FSD1: variants seen among roughly 807,000 people sequenced by gnomAD.
FSD1 encodes the protein fibronectin type III and SPRY domain containing 1, also known as fibronectin type III and SPRY domain-containing protein 1.
Under a neutral mutation model 58.2 loss-of-function variants are expected in FSD1, and 23 were observed. The ratio of observed to expected loss-of-function variants is 0.40; its 90% confidence interval spans 0.28 to 0.56. FSD1 has a LOEUF of 0.56. Ranked by LOEUF, FSD1 falls within the 20% of genes least tolerant of loss-of-function variation. FSD1 has a pLI of 0.54. For missense variants in FSD1, 563 were observed against 670.8 expected (o/e 0.84, Z 1.78); for synonymous variants, 265 against 263.4 (o/e 1.01, Z -0.06).
Position 4,321,811 on chromosome 19 carries a change from G to C in FSD1, c.1040-1175G>C, listed in dbSNP as rs915610766. On this transcript the variant is annotated intron_variant, in intron 10 of 12. Transcript: ENST00000221856. ...GAGGAGTATCTGGGAGGAATAACTT[G>C]GATCCCGAGGAGTATCTGGGGGAAA... 2.0e-5 allele frequency among the ~76,000 whole-genome samples: 3 copies of C among 151,424 alleles called. No homozygotes were observed. The East Asian group carries it at 5.9e-4, about 30-fold the overall frequency.
chr19:4,314,171 A>G (rs562672986), intron 7 of FSD1, among the ~76,000 whole-genome samples: 1 of 152,340 alleles, frequency 6.6e-6, no homozygotes, highest in Non-Finnish European at 1.5e-5. Flanking sequence ...TAATTAGCAT[A>G]CATGGTTAAT....
chr19:4,305,738 C>T (rs529407511), intron 1 of FSD1, among the ~76,000 whole-genome samples: 3 of 152,282 alleles, frequency 2.0e-5, no homozygotes, highest in East Asian at 3.9e-4. Context: ...TGGAGGGGAG[C>T]GCGGGTCAGG....
At chr19:4,314,431 A>G (rs1261455742) in intron 7 of FSD1, among the ~76,000 whole-genome samples, 1 of 151,930 alleles carries the variant, frequency 6.6e-6, no homozygotes, top group African/African-American at 2.4e-5. Flanking sequence ...GTGAGGACCC[A>G]TGTAGTCAGC....
At chr19:4,312,138 G>C in intron 7 of FSD1, 87 bp downstream of exon 7, 1 of 1,206,706 alleles carries the variant, frequency 8.3e-7, no homozygotes, top group Non-Finnish European at 1.2e-6. Flanking sequence ...TGGGGGCCTT[G>C]GGGACGATCC....
At chr19:4,315,053 A>G (rs146038127) in intron 7 of FSD1, among the ~76,000 whole-genome samples, 6 of 152,288 alleles carry the variant, frequency 3.9e-5, no homozygotes, top group Non-Finnish European at 8.8e-5. Context: ...GTCGTTTGCA[A>G]TCCACCTACT....
At chr19:4,322,650 G>A (rs1971710839) in intron 10 of FSD1, among the ~76,000 whole-genome samples, 1 of 150,834 alleles carries the variant, frequency 6.6e-6, no homozygotes, top group African/African-American at 2.4e-5. Flanking sequence ...AGGAGTATCT[G>A]GAGGGAATAG....
intron 7 of FSD1, among the ~76,000 whole-genome samples, chr19:4,312,305 A>G (rs553145169): frequency 7.3e-5 from 11 of 151,716 alleles, no homozygotes; most frequent in African/African-American, 2.7e-4. Context: ...CGTGGCCAAC[A>G]TGGTGAAACC....
chr19:4,307,127 T>G (rs1238511338), intron 3 of FSD1, among the ~76,000 whole-genome samples: 2 of 152,136 alleles, frequency 1.3e-5, no homozygotes, highest in Admixed American at 6.6e-5. Flanking sequence ...CAATCATGCC[T>G]CACTGCAGCG....
At chr19:4,321,099 GGGAAATAGCT>G (rs1971811143) in intron 10 of FSD1, among the ~76,000 whole-genome samples, 6 of 149,832 alleles carry the variant, frequency 4.0e-5, no homozygotes, top group African/African-American at 7.4e-5. Context: ...GGAGTATCTG[GGGAAATAGCT>G]GGGACTGAGG....
intron 8 of FSD1, 106 bp from the exon 9 acceptor site, chr19:4,318,240 T>G: frequency 8.9e-6 from 13 of 1,454,996 alleles, no homozygotes; most frequent in Non-Finnish European, 1.2e-5. Context: ...TCTTTGATTC[T>G]CTGTCCCTGT....
In FSD1 at chr19:4,304,697, C is replaced by T; in HGVS notation, c.-50C>T. ...CCGCGGCAAAGGCAGCTTGGGGACCCAGCGTGCGCGGGGCCCGCGGGCCGG... is the reference window on the plus strand; with the variant it reads ...CCGCGGCAAAGGCAGCTTGGGGACCTAGCGTGCGCGGGGCCCGCGGGCCGG... On this transcript the variant is annotated 5_prime_UTR_variant, in exon 1 of 13. Coordinates refer to ENST00000221856, the MANE Select transcript of FSD1 (RefSeq NM_024333.3). 1.7e-6 allele frequency: 2 copies of T among 1,196,340 alleles called. No individual in the cohort carries two copies. Among genetic ancestry groups the T allele is most frequent in the Non-Finnish European group, 2.1e-6 (2 of 958,394 alleles). 74.1% of individuals were successfully genotyped at this position (1,196,340 alleles called of 1,614,324 possible).
chr19:4,313,892 G>A, intron 7 of FSD1, among the ~76,000 whole-genome samples: 1 of 152,092 alleles, frequency 6.6e-6, no homozygotes, highest in East Asian at 1.9e-4. Flanking sequence ...GTGGGGCATG[G>A]TGGCGGATGC....
rs1971736323 is a variant in FSD1 at position 4,323,824 on chromosome 19, G to T, written c.*181G>T. The stretch of plus-strand genomic sequence containing the variant: ...CTCCCCACCTCACCTCTTAATAAAG[G>T]TCAGACACTGGCCAGGCGAGGCCGC... On this transcript the variant is annotated 3_prime_UTR_variant, in exon 13 of 13. Transcript: ENST00000221856. The surrounding 1 kb of genome is among the most constrained non-coding windows in gnomAD (Gnocchi z 7.7). The T allele has an allele frequency of 1.6e-6, 1 of 614,320 alleles. No homozygotes were observed. Among genetic ancestry groups the T allele is most frequent in the Non-Finnish European group, 2.9e-6 (1 of 348,970 alleles). 38.1% of individuals were successfully genotyped at this position (614,320 alleles called of 1,614,324 possible). A position where few individuals can be genotyped will look rare whatever the true frequency, so the allele number is the denominator to read the frequency against.
intron 8 of FSD1, among the ~76,000 whole-genome samples, chr19:4,317,483 C>T (rs1459779255): frequency 6.6e-6 from 1 of 152,106 alleles, no homozygotes; most frequent in Non-Finnish European, 1.5e-5. Flanking sequence ...CAGTATATCT[C>T]GATGGTTTTT....
intron 1 of FSD1, 81 bp downstream of exon 1, chr19:4,304,842 C>T: frequency 2.1e-6 from 1 of 474,670 alleles, no homozygotes. Flanking sequence ...AGCGCCCCCA[C>T]TCCCTCCCCG....
Position 4,318,451 on chromosome 19 carries a change from C to T in FSD1, c.905C>T (p.Ala302Val). The change falls in exon 9 of 13, where the codon GCT becomes GTT. Residue 302 changes from alanine to valine, a missense_variant. Transcript: ENST00000221856. ...GGCGGGAAGGTGCAGGATATCAAGG[C>T]TCGCGAGAAAGATGGCAAGGGGCGG... Reference protein sequence around the residue: ...AMGGKVQDIKAREKDGKGRTA... With the variant: ...AMGGKVQDIKVREKDGKGRTA... 1 of 1,613,748 alleles carries T rather than the reference C, an allele frequency of 6.2e-7. No homozygotes were observed. The highest frequency in any genetic ancestry group is 8.5e-7 in the Non-Finnish European group (1 of 1,179,920).
chr19:4,305,182 G>T (rs1368627460), intron 1 of FSD1, among the ~76,000 whole-genome samples: 2 of 138,970 alleles, frequency 1.4e-5, no homozygotes, highest in Non-Finnish European at 3.1e-5. Context: ...AGAGGCTCCC[G>T]AGCGGGATCC....
At position 4,304,689 on chromosome 19, in the gene FSD1, T is replaced by G; in HGVS notation, c.-58T>G. On this transcript the variant is annotated 5_prime_UTR_variant, in exon 1 of 13. Coordinates refer to ENST00000221856, the MANE Select transcript of FSD1 (RefSeq NM_024333.3). ...GCTACCGGCCGCGGCAAAGGCAGCTTGGGGACCCAGCGTGCGCGGGGCCCG... is the reference window on the plus strand; with the variant it reads ...GCTACCGGCCGCGGCAAAGGCAGCTGGGGGACCCAGCGTGCGCGGGGCCCG... 1 of 1,003,054 alleles carries G rather than the reference T, an allele frequency of 1.0e-6. No homozygotes were observed. Among genetic ancestry groups the G allele is most frequent in the Non-Finnish European group, 1.2e-6 (1 of 833,666 alleles). 62.1% of individuals were successfully genotyped at this position (1,003,054 alleles called of 1,614,324 possible).
chr19:4,308,465 G>C (rs1247951349), intron 4 of FSD1, among the ~76,000 whole-genome samples: 1 of 152,186 alleles, frequency 6.6e-6, no homozygotes, highest in African/African-American at 2.4e-5. Flanking sequence ...GCTCATGCCT[G>C]TAATACCAGC....
Sources: gnomAD v4.1 joint callset for allele counts (sites outside exome capture counted in the v4.1 genomes callset) on GRCh38, gnomAD v4.1.1 for gene constraint, Gnocchi (gnomAD v3.1) non-coding constraint, MANE v1.5 for transcripts, NCBI Gene and HGNC (gene_info 2026-07-23, HGNC 2026-07-21) for gene names.